The following CSGALNACT1 variants were observed in gnomAD, a reference collection of about 807,000 sequenced individuals.
The protein encoded by CSGALNACT1 is chondroitin sulfate N-acetylgalactosaminyltransferase 1.
Under a neutral mutation model 51.0 loss-of-function variants are expected in CSGALNACT1, and 52 were observed. That is an observed-to-expected ratio of 1.02 (90% CI 0.82 to 1.29). The LOEUF (loss-of-function observed/expected upper bound fraction) is 1.29. Ranked by LOEUF, CSGALNACT1 falls within the 50% of genes most tolerant of loss-of-function variation. The probability of loss-of-function intolerance (pLI) is 0.00; values close to 1 mark genes in which losing one functional copy is unlikely to be tolerated. For missense variants in CSGALNACT1, 935 were observed against 679.2 expected (o/e 1.38, Z -4.19); for synonymous variants, 341 against 254.4 (o/e 1.34, Z -3.24).
intron 1 of CSGALNACT1, among the ~76,000 whole-genome samples, chr8:19,662,193 G>C (rs887870593): frequency 6.6e-6 from 1 of 150,876 alleles, no homozygotes; most frequent in Non-Finnish European, 1.5e-5. Context: ...CAAGGCAGGT[G>C]ATCAACATGG....
At chr8:19,529,467 C>A (rs1342394749) in intron 3 of CSGALNACT1, among the ~76,000 whole-genome samples, 1 of 152,198 alleles carries the variant, frequency 6.6e-6, no homozygotes, top group Non-Finnish European at 1.5e-5. Context: ...CAAGAAGAAG[C>A]TCTTATCTCC....
chr8:19,417,237 C>T (rs564685499), intron 8 of CSGALNACT1, among the ~76,000 whole-genome samples: 19 of 152,230 alleles, frequency 1.2e-4, no homozygotes, highest in African/African-American at 4.1e-4. Flanking sequence ...AAAACAGATA[C>T]ACAGTATATC....
At chr8:19,616,531 T>C (rs74788766) in intron 1 of CSGALNACT1, among the ~76,000 whole-genome samples, 3,350 of 152,282 alleles carry the variant, frequency 0.022, 127 homozygotes, top group African/African-American at 0.076. Context: ...AAATCTCATG[T>C]TGAAATGTAA....
At chr8:19,683,495 G>A (rs1265077522), upstream of CSGALNACT1, among the ~76,000 whole-genome samples, 1 of 152,154 alleles carries the variant, frequency 6.6e-6, no homozygotes, top group South Asian at 2.1e-4. Flanking sequence ...CACACCAATG[G>A]CAGCCAGTTA....
rs1371472074 is a variant in CSGALNACT1 at position 19,420,530 on chromosome 8, G to C, written c.954-12C>G. On this transcript the variant is annotated splice_polypyrimidine_tract_variant and intron_variant, in intron 6 of 9. Coordinates refer to ENST00000454498, the Ensembl canonical transcript of CSGALNACT1. ...TGAAGTTGGCAGCTCTGAAAGGCAA[G>C]ACCAGGTACTGTCACTCACATTCCC... The C allele has an allele frequency of 1.2e-6, 2 of 1,613,294 alleles. No individual in the cohort carries two copies. Among genetic ancestry groups the C allele is most frequent in the Non-Finnish European group, 1.7e-6 (2 of 1,179,808 alleles).
intron 4 of CSGALNACT1, among the ~76,000 whole-genome samples, chr8:19,493,484 C>T (rs1242242686): frequency 1.3e-5 from 2 of 152,172 alleles, no homozygotes; most frequent in Non-Finnish European, 2.9e-5. Context: ...AGTCACTCCC[C>T]ATCTCCACCA....
At chr8:19,458,304 A>T (rs978092276) in intron 5 of CSGALNACT1, 122 bp downstream of exon 4, 25 of 892,966 alleles carry the variant, frequency 2.8e-5, no homozygotes, top group African/African-American at 4.9e-5. Context: ...GAGAAAACAG[A>T]GCTGAATAAG....
intron 3 of CSGALNACT1, among the ~76,000 whole-genome samples, chr8:19,578,554 A>G (rs191734540): frequency 6.6e-6 from 1 of 152,308 alleles, no homozygotes; most frequent in Admixed American, 6.5e-5. Flanking sequence ...AAGCAAAATG[A>G]TTAGATTCTG....
At chr8:19,719,672 C>G (rs764405572) in intron 1 of CSGALNACT1, among the ~76,000 whole-genome samples, 1 of 152,166 alleles carries the variant, frequency 6.6e-6, no homozygotes, top group East Asian at 1.9e-4. Flanking sequence ...TAAAGCTTCA[C>G]GTCCACAGTT....
rs146677046 is a variant in CSGALNACT1 at position 19,405,917 on chromosome 8, C to T, written c.1462G>A (p.Glu488Lys). The T allele has an allele frequency of 3.8e-5, 62 of 1,613,942 alleles. No homozygotes were observed. The highest frequency in any genetic ancestry group is 5.2e-5 in the Non-Finnish European group (61 of 1,180,018). Residue 488 changes from glutamate to lysine, a missense_variant, in exon 10 of 10, where the codon GAG becomes AAG. Glu to Lys is a moderately conservative substitution (Grantham distance 56, BLOSUM62 1). Transcript: ENST00000454498. ...GACTGCATGCACATCTTGTACTGCT[C>T]GGGGGTCAGCTCGTCCATGCAGCGC...
intron 1 of CSGALNACT1, among the ~76,000 whole-genome samples, chr8:19,690,080 T>C (rs1045200692): frequency 7.2e-5 from 11 of 152,244 alleles, no homozygotes; most frequent in African/African-American, 2.7e-4. Context: ...AAACACTATA[T>C]TGTAGAGACA....
chr8:19,662,396 A>G (rs1365993450), intron 1 of CSGALNACT1, among the ~76,000 whole-genome samples: 1 of 152,142 alleles, frequency 6.6e-6, no homozygotes, highest in Non-Finnish European at 1.5e-5. Context: ...AAAGAAAGAA[A>G]AATATCTGAA....
intron 3 of CSGALNACT1, among the ~76,000 whole-genome samples, chr8:19,551,108 A>C (rs1232273552): frequency 6.6e-6 from 1 of 152,196 alleles, no homozygotes; most frequent in African/African-American, 2.4e-5. Flanking sequence ...CAAAATTTCA[A>C]GAGTTTGTTT....
At chr8:19,463,033 T>C (rs2065895795) in intron 4 of CSGALNACT1, among the ~76,000 whole-genome samples, 1 of 152,228 alleles carries the variant, frequency 6.6e-6, no homozygotes, top group African/African-American at 2.4e-5. Flanking sequence ...TGCCCATGTG[T>C]ACTCAATGTT....
rs753295995 is a variant in CSGALNACT1 at position 19,505,702 on chromosome 8, G to C, written c.133C>G (p.Leu45Val). 5 of 1,614,228 alleles carry C rather than the reference G, an allele frequency of 3.1e-6. No homozygotes were observed. The South Asian group carries it at 5.5e-5, about 18-fold the overall frequency. Residue 45 changes from leucine (L) to valine (V), a missense_variant, in exon 4 of 10, where the codon CTG becomes GTG. Coordinates refer to ENST00000454498, the Ensembl canonical transcript of CSGALNACT1. ...CCCGTGGGGCTGTTGGCCCTGGGCA[G>C]TGCCAGCTGCTCCTCGTCACCTTTT...
intron 1 of CSGALNACT1, among the ~76,000 whole-genome samples, chr8:19,669,608 A>G (rs2059635077): frequency 6.6e-6 from 1 of 152,028 alleles, no homozygotes; most frequent in Non-Finnish European, 1.5e-5. Flanking sequence ...GCCTGCCACC[A>G]TGCCTGGCCA....
At chr8:19,681,018 G>A (rs2060578169) in intron 1 of CSGALNACT1, among the ~76,000 whole-genome samples, 1 of 152,034 alleles carries the variant, frequency 6.6e-6, no homozygotes, top group Non-Finnish European at 1.5e-5. Context: ...ATGTGTGTAG[G>A]TTACACACCA....
At chr8:19,750,366 C>A (rs999923261) in intron 1 of CSGALNACT1, among the ~76,000 whole-genome samples, 5 of 152,068 alleles carry the variant, frequency 3.3e-5, no homozygotes, top group African/African-American at 1.2e-4. Flanking sequence ...TGATCACACT[C>A]GGCCTTGGAT....
chr8:19,470,175 G>T (rs1317449314), intron 4 of CSGALNACT1, among the ~76,000 whole-genome samples: 7 of 152,260 alleles, frequency 4.6e-5, no homozygotes, highest in Middle Eastern at 3.4e-3. Context: ...GACAAAGAAG[G>T]GTTACCTAGT....
Sources: allele counts gnomAD v4.1 joint callset (sites outside exome capture counted in the v4.1 genomes callset), GRCh38; gene constraint gnomAD v4.1.1; transcripts MANE v1.5; gene names NCBI Gene and HGNC (gene_info 2026-07-23, HGNC 2026-07-21).